Variants in CNTN1 observed in about 807,000 individuals in gnomAD.
The protein encoded by CNTN1 is contactin-1.
Under a neutral mutation model 126.4 loss-of-function variants are expected in CNTN1, and 38 were observed. The observed-to-expected ratio is 0.30, with a 90% CI of 0.23 to 0.39. The LOEUF (loss-of-function observed/expected upper bound fraction) is 0.39. Among genes scored for constraint, CNTN1 ranks in the 10% least tolerant of loss-of-function variants. The pLI, the probability that CNTN1 is intolerant of heterozygous loss-of-function variation, is 1.00. For missense variants in CNTN1, 1,009 were observed against 1,248.4 expected, an observed-to-expected ratio of 0.81 and a Z score of 2.89; for synonymous variants, 413 against 422.6, an observed-to-expected ratio of 0.98 and a Z score of 0.28.
chr12:40,841,750 C>T (rs2136584545), intron 1 of CNTN1, among the ~76,000 whole-genome samples: 1 of 151,998 alleles, frequency 6.6e-6, no homozygotes, highest in East Asian at 1.9e-4. Flanking sequence ...CAACTCTCAA[C>T]AAACTAGGTA....
intron 2 of CNTN1, among the ~76,000 whole-genome samples, chr12:40,909,251 T>C (rs529394278): frequency 2.4e-4 from 36 of 152,072 alleles, no homozygotes; most frequent in Admixed American, 7.9e-4. Flanking sequence ...CAAAGGCAAG[T>C]GTGAAGCATT....
At chr12:41,057,219 AAAT>A (rs1301993263) in intron 23 of CNTN1, among the ~76,000 whole-genome samples, 4 of 145,576 alleles carry the variant, frequency 2.7e-5, no homozygotes, top group Non-Finnish European at 4.5e-5. Flanking sequence ...AGATATTTAT[AAAT>A]ATTATTATAA....
intron 1 of CNTN1, among the ~76,000 whole-genome samples, chr12:40,867,904 A>ATTG (rs946415361): frequency 2.7e-5 from 4 of 150,624 alleles, no homozygotes; most frequent in Middle Eastern, 3.5e-3. Flanking sequence ...TATTATTATT[A>ATTG]TTATTTTGTT....
At chr12:40,983,656 A>C (rs1947876957) in intron 16 of CNTN1, among the ~76,000 whole-genome samples, 4 of 150,790 alleles carry the variant, frequency 2.7e-5, no homozygotes, top group Admixed American at 2.7e-4. Flanking sequence ...TTATTAGCTT[A>C]AATTTTCAGT....
intron 14 of CNTN1, among the ~76,000 whole-genome samples, chr12:40,949,895 G>A (rs150266674): frequency 6.6e-6 from 1 of 150,910 alleles, no homozygotes; most frequent in Non-Finnish European, 1.5e-5. Context: ...TGTTGAACAA[G>A]AAGGTTAAGA....
intron 15 of CNTN1, among the ~76,000 whole-genome samples, chr12:40,966,101 A>T (rs1412745017): frequency 1.3e-5 from 2 of 151,946 alleles, no homozygotes; most frequent in African/African-American, 2.4e-5. Flanking sequence ...ATCTGGGTCC[A>T]AATCATCACA....
intron 12 of CNTN1, 126 bp downstream of exon 12, chr12:40,939,611 C>A: frequency 9.9e-7 from 1 of 1,012,840 alleles, no homozygotes; most frequent in Non-Finnish European, 1.5e-6. Flanking sequence ...ACAGAAGATC[C>A]TGTAGTTCTA....
intron 1 of CNTN1, among the ~76,000 whole-genome samples, chr12:40,709,550 G>T (rs544971138): frequency 2.6e-5 from 4 of 152,220 alleles, no homozygotes; most frequent in Admixed American, 6.5e-5. Context: ...TTTTAGCTCT[G>T]AAAGTCCTAG....
chr12:41,010,901 G>A (rs11838359), intron 17 of CNTN1, among the ~76,000 whole-genome samples: 3,559 of 151,796 alleles, frequency 0.023, 134 homozygotes, highest in African/African-American at 0.079. Flanking sequence ...CCTTCCTATC[G>A]GGAATGGTGT....
chr12:40,971,417 G>C (rs531770311), intron 15 of CNTN1: 2 of 1,590,684 alleles, frequency 1.3e-6, no homozygotes, highest in East Asian at 4.5e-5. Context: ...CTTCAGCCTT[G>C]ATCTTTCCTC....
At chr12:40,727,019 T>A (rs1942371763) in intron 1 of CNTN1, among the ~76,000 whole-genome samples, 1 of 149,998 alleles carries the variant, frequency 6.7e-6, no homozygotes, top group Admixed American at 6.6e-5. Flanking sequence ...TTAAAAATTC[T>A]AATAATAAAA....
chr12:40,764,925 T>G (rs1280552566), intron 1 of CNTN1, among the ~76,000 whole-genome samples: 3 of 152,196 alleles, frequency 2.0e-5, no homozygotes, highest in Non-Finnish European at 4.4e-5. Context: ...TGATTTCAAA[T>G]TAAATTTCCA....
intron 4 of CNTN1, among the ~76,000 whole-genome samples, chr12:40,920,823 A>G (rs1317749648): frequency 6.6e-6 from 1 of 152,244 alleles, no homozygotes; most frequent in Non-Finnish European, 1.5e-5. Context: ...GATTGTAGCA[A>G]TAGTCTATGT....
chr12:40,846,043 T>TCAGC (rs1158954487), intron 1 of CNTN1, among the ~76,000 whole-genome samples: 2 of 152,144 alleles, frequency 1.3e-5, no homozygotes, highest in African/African-American at 4.8e-5. Flanking sequence ...CTATGGGAAA[T>TCAGC]AATCAGTTTA....
At chr12:40,693,969 G>A (rs1375463971) in intron 1 of CNTN1, among the ~76,000 whole-genome samples, 1 of 152,164 alleles carries the variant, frequency 6.6e-6, no homozygotes, top group Non-Finnish European at 1.5e-5. Flanking sequence ...TTCTTAGAGT[G>A]CCAATATAAT....
chr12:40,723,014 G>T (rs900355166), intron 1 of CNTN1, among the ~76,000 whole-genome samples: 33 of 151,962 alleles, frequency 2.2e-4, no homozygotes, highest in African/African-American at 8.0e-4. Flanking sequence ...CTGACTTTAG[G>T]CAAGTTACTT....
chr12:40,816,232 C>T (rs1941250882), intron 1 of CNTN1, among the ~76,000 whole-genome samples: 1 of 152,128 alleles, frequency 6.6e-6, no homozygotes, highest in African/African-American at 2.4e-5. Flanking sequence ...ATGGTACTAG[C>T]TCCTCCTTGT....
chr12:40,943,012 G>A (rs1317912910), intron 12 of CNTN1, among the ~76,000 whole-genome samples: 1 of 152,046 alleles, frequency 6.6e-6, no homozygotes, highest in Admixed American at 6.6e-5. Flanking sequence ...TAATCTAAGT[G>A]TGAGTTTCTA....
At chr12:40,972,239 C>T in intron 15 of CNTN1, 6 of 985,160 alleles carry the variant, frequency 6.1e-6, no homozygotes, top group Non-Finnish European at 7.2e-6. Flanking sequence ...TTTTGTAGAT[C>T]GTTTGGGTGG....
Sources: allele counts gnomAD v4.1 joint callset (sites outside exome capture counted in the v4.1 genomes callset), GRCh38; gene constraint gnomAD v4.1.1; transcripts MANE v1.5; gene names NCBI Gene and HGNC (gene_info 2026-07-23, HGNC 2026-07-21).